The following SH3PXD2B variants were observed in gnomAD, a reference collection of about 807,000 sequenced individuals.
The protein encoded by SH3PXD2B is SH3 and PX domains 2B.
SH3PXD2B carries 37 observed loss-of-function variants against 73.1 expected under a neutral mutation model. That is an observed-to-expected ratio of 0.51 (90% CI 0.39 to 0.67). The LOEUF is 0.67. Ranked by LOEUF, SH3PXD2B falls within the 30% of genes least tolerant of loss-of-function variation. The pLI is 0.00. For synonymous variants in SH3PXD2B, 457 were observed against 480.5 expected, an observed-to-expected ratio of 0.95 and a Z score of 0.64; for missense variants, 1,053 against 1,197.8, an observed-to-expected ratio of 0.88 and a Z score of 1.78.
intron 8 of SH3PXD2B, 24 bp from the exon 9 acceptor site, chr5:172,354,029 G>A (rs1201669605): frequency 6.3e-6 from 10 of 1,598,738 alleles, no homozygotes; most frequent in Non-Finnish European, 8.6e-6. Flanking sequence ...AGGAAGCTGG[G>A]GTCAGAAGAG....
intron 1 of SH3PXD2B, among the ~76,000 whole-genome samples, chr5:172,430,940 C>T (rs1479043373): frequency 6.6e-6 from 1 of 151,926 alleles, no homozygotes; most frequent in African/African-American, 2.4e-5. Context: ...GATCTCGGCT[C>T]AACGCAACCT....
intron 4 of SH3PXD2B, among the ~76,000 whole-genome samples, chr5:172,390,813 TTTTGTGTGTGTGTGTGTG>T (rs1758168236): frequency 1.7e-5 from 2 of 116,764 alleles, no homozygotes; most frequent in African/African-American, 7.1e-5. Flanking sequence ...GCTTCCCGTC[TTTTGTGTGTGTGTGTGTG>T]TGTGTGTGTG....
intron 2 of SH3PXD2B, among the ~76,000 whole-genome samples, chr5:172,410,087 A>C (rs1408210965): frequency 6.6e-6 from 1 of 152,208 alleles, no homozygotes; most frequent in East Asian, 1.9e-4. Context: ...GGCTGCTGTG[A>C]CTAGAGCTGC....
chr5:172,432,924 AAGGGG>A (rs1247892958), intron 1 of SH3PXD2B, among the ~76,000 whole-genome samples: 646 of 18,640 alleles, frequency 0.035, 7 homozygotes, highest in African/African-American at 0.083. Context: ...TCAAAAAAAA[AAGGGG>A]GGGGGGGGGG....
In SH3PXD2B at chr5:172,366,019, G is replaced by T. The variant is rs575980454; in HGVS notation, c.428-3150C>A. 2.0e-5 allele frequency among the ~76,000 whole-genome samples: 3 copies of T among 152,270 alleles called. No homozygotes were observed. The South Asian group carries it at 6.2e-4, about 32-fold the overall frequency. ...TGCCTCAGCTTGACAGAAAGAACTGGAAAGGAAAGAGAAAAAGCACCCACT... is the reference window on the plus strand; with the variant it reads ...TGCCTCAGCTTGACAGAAAGAACTGTAAAGGAAAGAGAAAAAGCACCCACT... On this transcript the variant is annotated intron_variant, in intron 6 of 12. Coordinates refer to ENST00000311601, the MANE Select transcript of SH3PXD2B (RefSeq NM_001017995.3).
chr5:172,339,039 A>G lies in SH3PXD2B; in HGVS notation c.2066T>C (p.Val689Ala), dbSNP rs1756776930. 6.2e-7 allele frequency: 1 copy of G among 1,614,084 alleles called. No individual in the cohort carries two copies. Among genetic ancestry groups the G allele is most frequent in the Non-Finnish European group, 8.5e-7 (1 of 1,179,958 alleles). The part of the protein sequence containing the change: ...SLLDGEGPQA[V>A]GGQDVAFSRS... ...GCTGAAGGCCACGTCTTGGCCCCCT[A>G]CTGCCTGGGGGCCCTCCCCATCCAA... Residue 689 changes from valine (V) to alanine (A), a missense_variant, in exon 13 of 13, where the codon GTA becomes GCA. By Grantham distance (64) the Val-to-Ala change is moderately conservative. Transcript: ENST00000311601. The surrounding 1 kb of genome is among the most constrained non-coding windows in gnomAD (Gnocchi z 6.1).
At chr5:172,385,988 A>T (rs891171524) in intron 4 of SH3PXD2B, among the ~76,000 whole-genome samples, 5 of 152,246 alleles carry the variant, frequency 3.3e-5, no homozygotes, top group Admixed American at 1.3e-4. Context: ...CAGCAAACTC[A>T]GTCCTGTTCT....
At position 172,339,177 on chromosome 5, in the gene SH3PXD2B, C is replaced by G. The variant is rs1756783464; in HGVS notation, c.1928G>C (p.Arg643Thr). ...NPFLKSRPQVRPKPAPSPKTE... is the reference protein window; with the variant it reads ...NPFLKSRPQVTPKPAPSPKTE... ...TTTGGGGGAAGGAGCTGGTTTTGGC[C>G]TAACCTGAGGTCTGGACTTCAAGAA... Residue 643 changes from arginine (R) to threonine (T), a missense_variant, in exon 13 of 13, where the codon AGG becomes ACG. By Grantham distance (71) the Arg-to-Thr change is moderately conservative (BLOSUM62 -1). Around this residue, in one of 2 missense-constraint regions of SH3PXD2B, gnomAD observed 587 missense variants for 590.7 expected, o/e 0.99. Transcript: ENST00000311601. The surrounding 1 kb of genome is among the most constrained non-coding windows in gnomAD (Gnocchi z 6.1). 6.2e-7 allele frequency: 1 copy of G among 1,614,104 alleles called. No individual in the cohort carries two copies. Among genetic ancestry groups the G allele is most frequent in the South Asian group, 1.1e-5 (1 of 91,084 alleles).
intron 5 of SH3PXD2B, among the ~76,000 whole-genome samples, chr5:172,374,811 A>G (rs1757788378): frequency 6.6e-6 from 1 of 152,230 alleles, no homozygotes; most frequent in South Asian, 2.1e-4. Context: ...TTGTGGCAAC[A>G]GTAGCATTAG....
chr5:172,411,301 A>G (rs1758686599), intron 2 of SH3PXD2B, among the ~76,000 whole-genome samples: 1 of 151,888 alleles, frequency 6.6e-6, no homozygotes. Flanking sequence ...CTGAATGTAC[A>G]TGTCAGCCAA....
At chr5:172,347,933 C>T (rs1012751495) in intron 10 of SH3PXD2B, among the ~76,000 whole-genome samples, 1 of 152,164 alleles carries the variant, frequency 6.6e-6, no homozygotes, top group Non-Finnish European at 1.5e-5. Context: ...CTCGAGGCAG[C>T]TGCCCTGGCT....
At chr5:172,350,646 C>A (rs894276878) in intron 9 of SH3PXD2B, 57 bp from the exon 10 acceptor site, 2 of 1,516,446 alleles carry the variant, frequency 1.3e-6, no homozygotes, top group African/African-American at 1.4e-5. Flanking sequence ...AGGGAAGAAG[C>A]CTTGCTCCTA....
intron 12 of SH3PXD2B, among the ~76,000 whole-genome samples, chr5:172,344,786 A>G (rs1003215117): frequency 6.6e-6 from 1 of 152,170 alleles, no homozygotes; most frequent in South Asian, 2.1e-4. Flanking sequence ...AAACATGAAG[A>G]TACTTCAATG....
chr5:172,357,533 C>T (rs1757308172), intron 8 of SH3PXD2B, among the ~76,000 whole-genome samples: 1 of 152,114 alleles, frequency 6.6e-6, no homozygotes, highest in Non-Finnish European at 1.5e-5. Context: ...CTGGGCAAGT[C>T]TCCCGACCTC....
intron 1 of SH3PXD2B, among the ~76,000 whole-genome samples, chr5:172,430,234 TC>T (rs1441589116): frequency 1.3e-5 from 2 of 152,238 alleles, no homozygotes; most frequent in African/African-American, 4.8e-5. Flanking sequence ...GGAACCCTTG[TC>T]CCTGCTCCTT....
At chr5:172,398,173 A>G (rs1758348020) in intron 3 of SH3PXD2B, among the ~76,000 whole-genome samples, 1 of 152,250 alleles carries the variant, frequency 6.6e-6, no homozygotes, top group Admixed American at 6.5e-5. Context: ...AAGGGCTATT[A>G]ACACTGTAAT....
intron 1 of SH3PXD2B, among the ~76,000 whole-genome samples, chr5:172,434,302 G>A (rs1434521239): frequency 6.6e-6 from 1 of 152,044 alleles, no homozygotes; most frequent in Non-Finnish European, 1.5e-5. Context: ...AAGCTTAGAG[G>A]CTCTTGACAA....
intron 10 of SH3PXD2B, among the ~76,000 whole-genome samples, chr5:172,348,671 C>CTATCTTATCT (rs1561896752): frequency 9.0e-4 from 50 of 55,604 alleles, no homozygotes; most frequent in South Asian, 2.3e-3. Flanking sequence ...ATCTATCTAT[C>CTATCTTATCT]TATCTATCTA....
At chr5:172,343,910 T>C (rs529697433) in intron 12 of SH3PXD2B, among the ~76,000 whole-genome samples, 50 of 151,768 alleles carry the variant, frequency 3.3e-4, no homozygotes, top group African/African-American at 1.2e-3. Context: ...GCTGTGTTAC[T>C]AGAGGCAAAT....
Sources: gnomAD v4.1 joint callset for allele counts (sites outside exome capture counted in the v4.1 genomes callset) on GRCh38, gnomAD v4.1.1 for gene constraint, gnomAD v4.1.1 regional missense constraint, Gnocchi (gnomAD v3.1) non-coding constraint, MANE v1.5 for transcripts, NCBI Gene and HGNC (gene_info 2026-07-23, HGNC 2026-07-21) for gene names.